The following NECTIN3 variants were observed in gnomAD, a reference collection of about 807,000 sequenced individuals.
The protein encoded by NECTIN3 is nectin cell adhesion molecule 3, also known as nectin-3.
Under a neutral mutation model 49.4 loss-of-function variants are expected in NECTIN3, and 8 were observed. The ratio of observed to expected loss-of-function variants is 0.16; its 90% CI spans 0.10 to 0.29. The LOEUF (loss-of-function observed/expected upper bound fraction) is 0.29. NECTIN3 is among the 10% of genes least tolerant of loss of function. NECTIN3 has a pLI of 1.00. For synonymous variants in NECTIN3, 277 were observed against 241.1 expected, an observed-to-expected ratio of 1.15 and a Z score of -1.38; for missense variants, 581 against 654.6, an observed-to-expected ratio of 0.89 and a Z score of 1.23.
chr3:111,075,607 G>A (rs1281042208), intron 1 of NECTIN3, among the ~76,000 whole-genome samples: 1 of 152,116 alleles, frequency 6.6e-6, no homozygotes, highest in African/African-American at 2.4e-5. Context: ...CTACACCAAT[G>A]TGCTGAATAA....
At position 111,169,079 on chromosome 3, in the gene NECTIN3, C is replaced by CTTTTTTT. The variant is rs142606359; in HGVS notation, c.1221+21617_1221+21623dup. On this transcript the variant is annotated intron_variant, in intron 7 of 8. Coordinates refer to the NECTIN3 transcript ENST00000493615. ...TACTAGTATATCAGGACTATTCAAA[C>CTTTTTTT]TTTTTTTTTTTTTTTTTTTTTTTTT... Among the ~76,000 whole-genome samples the CTTTTTTT allele has an allele frequency of 1.2e-4, 13 of 104,134 alleles. 1 individual carries two copies. The highest frequency in any genetic ancestry group is 9.9e-4 in the East Asian group (3 of 3,026). The allele number at this position is 104,134 out of a possible 152,430, so 68.3% of individuals were successfully genotyped here.
At chr3:111,074,680 T>G (rs2107347355) in intron 1 of NECTIN3, among the ~76,000 whole-genome samples, 1 of 152,208 alleles carries the variant, frequency 6.6e-6, no homozygotes, top group Non-Finnish European at 1.5e-5. Flanking sequence ...ATGAGAGTTT[T>G]ACAGGTTGTC....
chr3:111,156,864 C>G (rs1293185507), intron 7 of NECTIN3, among the ~76,000 whole-genome samples: 1 of 152,146 alleles, frequency 6.6e-6, no homozygotes, highest in East Asian at 1.9e-4. Context: ...TATTTTCAAA[C>G]CAAGATGTTC....
intron 6 of NECTIN3, among the ~76,000 whole-genome samples, chr3:111,147,023 G>C (rs928237095): frequency 1.3e-5 from 2 of 152,122 alleles, no homozygotes; most frequent in South Asian, 4.1e-4. Flanking sequence ...CTAAAATACA[G>C]TGTAAACATT....
chr3:111,176,985 A>C (rs1259998393), intron 7 of NECTIN3, among the ~76,000 whole-genome samples: 1 of 152,154 alleles, frequency 6.6e-6, no homozygotes, highest in Non-Finnish European at 1.5e-5. Flanking sequence ...TACATTCCGT[A>C]TTGAAGATTT....
intron 1 of NECTIN3, among the ~76,000 whole-genome samples, chr3:111,107,171 T>C (rs114040401): frequency 0.013 from 2,044 of 152,218 alleles, 52 homozygotes; most frequent in African/African-American, 0.047. Flanking sequence ...ACATTTTCTT[T>C]TCTGTCACAA....
chr3:111,083,356 G>A (rs547176291), intron 1 of NECTIN3, among the ~76,000 whole-genome samples: 2 of 152,176 alleles, frequency 1.3e-5, no homozygotes, highest in Admixed American at 1.3e-4. Context: ...CAATGTGATG[G>A]TGTTAGGGGG....
At chr3:111,149,386 G>A (rs1175707364) in intron 7 of NECTIN3, among the ~76,000 whole-genome samples, 1 of 150,882 alleles carries the variant, frequency 6.6e-6, no homozygotes, top group Non-Finnish European at 1.5e-5. Context: ...AATTAATTTA[G>A]TAAGAATTGA....
upstream of NECTIN3, chr3:111,192,237 G>A (rs1576191649): frequency 1.1e-6 from 1 of 911,466 alleles, no homozygotes; most frequent in South Asian, 1.7e-5. Flanking sequence ...ATTTTGCTTA[G>A]TTGGTAGACA....
Position 111,136,794 on chromosome 3 carries a change from A to G in NECTIN3, c.*2579A>G. ...AGAGTTTTCTTTCATACTGGTTAAA[A>G]TATTTCAATGATATAATGAAGATGA... On this transcript the variant is annotated 3_prime_UTR_variant, in exon 6 of 6. Coordinates refer to ENST00000485303, the MANE Select transcript of NECTIN3 (RefSeq NM_015480.3). The G allele has an allele frequency of 1.1e-6, 1 of 938,732 alleles. No individual in the cohort carries two copies. Among genetic ancestry groups the G allele is most frequent in the South Asian group, 4.9e-5 (1 of 20,316 alleles). The allele number at this position is 938,732 out of a possible 1,614,324, so 58.2% of individuals were successfully genotyped here.
chr3:111,109,598 T>C (rs1479236886), intron 1 of NECTIN3, among the ~76,000 whole-genome samples: 1 of 152,056 alleles, frequency 6.6e-6, no homozygotes, highest in Admixed American at 6.6e-5. Flanking sequence ...TTTCAGCATT[T>C]CTTGACTAAT....
In NECTIN3 at chr3:111,122,124, C is replaced by T; in HGVS notation, c.803C>T (p.Ala268Val). 1 of 1,597,150 alleles carries T rather than the reference C, an allele frequency of 6.3e-7. No individual in the cohort carries two copies. Among genetic ancestry groups the T allele is most frequent in the Admixed American group, 1.7e-5 (1 of 59,934 alleles). Residue 268 changes from alanine to valine, a missense_variant, in exon 4 of 6, where the codon GCT becomes GTT. By Grantham distance (64) the Ala-to-Val change is moderately conservative (BLOSUM62 0). Coordinates refer to ENST00000485303, the MANE Select transcript of NECTIN3 (RefSeq NM_015480.3). ...CTGTCATGCATTTATTTTATAGATGCTCCTGAAGTTTCGGTAACAGGATAT... is the reference window on the plus strand; with the variant it reads ...CTGTCATGCATTTATTTTATAGATGTTCCTGAAGTTTCGGTAACAGGATAT... ...RYSFILDIQY[A>V]PEVSVTGYDG...
At chr3:111,116,323 A>G (rs981537336) in intron 2 of NECTIN3, among the ~76,000 whole-genome samples, 1 of 152,128 alleles carries the variant, frequency 6.6e-6, no homozygotes, top group Non-Finnish European at 1.5e-5. Context: ...CCCTACAGAA[A>G]ATGTTTTGAC....
rs544028049 is a variant in NECTIN3, at chr3:111,085,725, G to A, written c.160+13548G>A. Among the ~76,000 whole-genome samples the A allele has an allele frequency of 2.6e-5, 4 of 151,150 alleles. No homozygotes were observed. In the East Asian group the frequency reaches 5.8e-4, roughly 22 times the overall value. ...ATTTTTTTTTTTTTTACCACTGTAC[G>A]GTATTTTGTTCCATGACTGTTCCAT... On this transcript the variant is annotated intron_variant, in intron 1 of 5. Transcript: ENST00000485303.
chr3:111,081,900 C>T (rs1011528984), intron 1 of NECTIN3, among the ~76,000 whole-genome samples: 1 of 152,130 alleles, frequency 6.6e-6, no homozygotes, highest in Non-Finnish European at 1.5e-5. Flanking sequence ...CACTGAGGAG[C>T]TTTTGAAGGC....
intron 1 of NECTIN3, among the ~76,000 whole-genome samples, chr3:111,104,380 G>A (rs1375803074): frequency 4.0e-5 from 6 of 148,202 alleles, no homozygotes; most frequent in South Asian, 2.1e-4. Context: ...GAGTGCAGTG[G>A]CATGACTGGA....
intron 7 of NECTIN3, among the ~76,000 whole-genome samples, chr3:111,171,211 A>G (rs1220178882): frequency 6.6e-6 from 1 of 152,216 alleles, no homozygotes; most frequent in Non-Finnish European, 1.5e-5. Context: ...TTGAGGTAGA[A>G]TTAGAACCTG....
At chr3:111,103,314 A>G (rs1332962652) in intron 1 of NECTIN3, among the ~76,000 whole-genome samples, 2 of 152,124 alleles carry the variant, frequency 1.3e-5, no homozygotes, top group South Asian at 2.1e-4. Context: ...TCAGAATTGT[A>G]TAGTTTTCTG....
In NECTIN3 at chr3:111,134,557, G is replaced by C. The variant is rs1448883746; in HGVS notation, c.*342G>C. 1 of 968,038 alleles carries C rather than the reference G, an allele frequency of 1.0e-6. No homozygotes were observed. The highest frequency in any genetic ancestry group is 1.0e-4 in the East Asian group (1 of 9,720). 60.0% of individuals were successfully genotyped at this position (968,038 alleles called of 1,614,324 possible). A position where few individuals can be genotyped will look rare whatever the true frequency, so the allele number is the denominator to read the frequency against. ...TTAAAAAGGGAACTACCTTGACATT[G>C]TGTATTAAATGTTTACCTAAGACTA... On this transcript the variant is annotated 3_prime_UTR_variant, in exon 6 of 6. Transcript: ENST00000485303.
Sources: gnomAD v4.1 joint callset for allele counts (sites outside exome capture counted in the v4.1 genomes callset) on GRCh38, gnomAD v4.1.1 for gene constraint, MANE v1.5 for transcripts, NCBI Gene and HGNC (gene_info 2026-07-23, HGNC 2026-07-21) for gene names.